CREG1: variants seen among roughly 807,000 people sequenced by gnomAD.
The protein encoded by CREG1 is cellular repressor of E1A stimulated genes 1.
In CREG1, 20 loss-of-function variants were observed where a neutral mutation model predicts 19.9. The ratio of observed to expected loss-of-function variants is 1.01; its 90% CI spans 0.71 to 1.46. The LOEUF is 1.46. Ranked by LOEUF, CREG1 falls within the 40% of genes most tolerant of loss-of-function variation. CREG1 has a pLI of 0.00. For synonymous variants in CREG1, 141 were observed against 143.3 expected (o/e 0.98, Z 0.12); for missense variants, 290 against 314.9 (o/e 0.92, Z 0.60).
chr1:167,549,212 G>C (rs920162237), intron 1 of CREG1, among the ~76,000 whole-genome samples: 1 of 152,132 alleles, frequency 6.6e-6, no homozygotes, highest in African/African-American at 2.4e-5. Flanking sequence ...GAGGAGCCTG[G>C]GGTTGGGAGT....
In CREG1 at chr1:167,553,640, G is replaced by A. The variant is rs1350175865; in HGVS notation, c.102C>T (p.Gly34=). The A allele has an allele frequency of 7.4e-7, 1 of 1,347,698 alleles. No individual in the cohort carries two copies. The highest frequency in any genetic ancestry group is 1.8e-5 in the South Asian group (1 of 54,092). The allele number at this position is 1,347,698 out of a possible 1,614,324, so 83.5% of individuals were successfully genotyped here. A position where few individuals can be genotyped will look rare whatever the true frequency, so the allele number is the denominator to read the frequency against. The part of the protein sequence containing the change: ...LLVSPARGRG[G]RDHGDWDEAS... Reference sequence around the variant, plus strand: ...CCTCGTCCCAGTCCCCGTGGTCCCGGCCGCCGCGACCCCGCGCGGGCGACA... The same window carrying A: ...CCTCGTCCCAGTCCCCGTGGTCCCGACCGCCGCGACCCCGCGCGGGCGACA... The change falls in exon 1 of 4, where the codon GGC becomes GGT. Residue 34 remains glycine (G), a synonymous_variant. Coordinates refer to ENST00000370509, the MANE Select transcript of CREG1 (RefSeq NM_003851.3).
At chr1:167,542,381 C>A in intron 3 of CREG1, 80 bp from the exon 4 acceptor site, 1 of 1,353,930 alleles carries the variant, frequency 7.4e-7, no homozygotes, top group South Asian at 1.3e-5. Context: ...TAGGGAAGGA[C>A]TAGATAAAAT....
chr1:167,546,208 G>C lies in CREG1; in HGVS notation c.552C>G (p.Ser184Arg), dbSNP rs747612208. 1 of 1,613,300 alleles carries C rather than the reference G, an allele frequency of 6.2e-7. No individual in the cohort carries two copies. The highest frequency in any genetic ancestry group is 8.5e-7 in the Non-Finnish European group (1 of 1,179,654). ...RHPEMKTWPS[S>R]HNWFFAKLNI... ...TCAACTTAGCAAAGAACCAATTATG[G>C]CTGGAAGGCCAGGTTTTCATCTCAG... Residue 184 changes from serine (S) to arginine (R), a missense_variant, in exon 3 of 4, where the codon AGC becomes AGG. Coordinates refer to ENST00000370509, the MANE Select transcript of CREG1 (RefSeq NM_003851.3).
chr1:167,544,063 C>T (rs1161233503), intron 3 of CREG1, among the ~76,000 whole-genome samples: 1 of 152,182 alleles, frequency 6.6e-6, no homozygotes, highest in African/African-American at 2.4e-5. Flanking sequence ...AACAGTCATC[C>T]TGATAATTTG....
At position 167,553,437 on chromosome 1, in the gene CREG1, A is replaced by G. The variant is rs1656458147; in HGVS notation, c.305T>C (p.Val102Ala). 1 of 1,476,416 alleles carries G rather than the reference A, an allele frequency of 6.8e-7. No individual in the cohort carries two copies. The allele number at this position is 1,476,416 out of a possible 1,614,324, so 91.5% of individuals were successfully genotyped here. A position where few individuals can be genotyped will look rare whatever the true frequency, so the allele number is the denominator to read the frequency against. Reference sequence around the variant, plus strand: ...CAGCGGGCTCAGGTAGAAATAGGGCACGCCGCTGCCCGCGCCCGGGGGCCC... The same window carrying G: ...CAGCGGGCTCAGGTAGAAATAGGGCGCGCCGCTGCCCGCGCCCGGGGGCCC... ...SDGPPGAGSG[V>A]PYFYLSPLQL... Residue 102 changes from valine to alanine, a missense_variant, in exon 1 of 4, where the codon GTG becomes GCG. Val to Ala is a moderately conservative substitution (Grantham distance 64, BLOSUM62 0). Coordinates refer to ENST00000370509, the MANE Select transcript of CREG1 (RefSeq NM_003851.3).
At chr1:167,543,538 GC>G in intron 3 of CREG1, among the ~76,000 whole-genome samples, 1 of 152,348 alleles carries the variant, frequency 6.6e-6, no homozygotes. Context: ...GCTCCAGAAC[GC>G]CTGTGAGGCC....
At chr1:167,549,806 T>G (rs1435097752) in intron 1 of CREG1, among the ~76,000 whole-genome samples, 4 of 152,120 alleles carry the variant, frequency 2.6e-5, no homozygotes, top group Admixed American at 1.3e-4. Context: ...CATCTCATCC[T>G]CCTGAGTAGC....
At chr1:167,547,456 G>T (rs1485578890) in intron 2 of CREG1, among the ~76,000 whole-genome samples, 2 of 152,132 alleles carry the variant, frequency 1.3e-5, no homozygotes, top group Non-Finnish European at 2.9e-5. Flanking sequence ...CTTCATAGTT[G>T]TTACATCTGC....
At position 167,553,559 on chromosome 1, in the gene CREG1, G is replaced by A. The variant is rs1443287383; in HGVS notation, c.183C>T (p.Phe61=). The part of the protein sequence containing the change: ...PREDAARVAR[F]VTHVSDWGAL... ...CGCCCCAGTCGGAGACGTGCGTCAC[G>A]AAGCGGGCCACGCGCGCCGCGTCCT... is the stretch of plus-strand genomic sequence containing the variant. Residue 61 remains phenylalanine, a synonymous_variant, in exon 1 of 4, where the codon TTC becomes TTT. Coordinates refer to ENST00000370509, the MANE Select transcript of CREG1 (RefSeq NM_003851.3). The A allele has an allele frequency of 4.1e-6, 6 of 1,465,724 alleles. No homozygotes were observed. Among genetic ancestry groups the A allele is most frequent in the East Asian group, 3.0e-5 (1 of 33,192 alleles). The allele number at this position is 1,465,724 out of a possible 1,614,324, so 90.8% of individuals were successfully genotyped here.
chr1:167,543,637 C>A (rs1440649201), intron 3 of CREG1, among the ~76,000 whole-genome samples: 1 of 152,170 alleles, frequency 6.6e-6, no homozygotes, highest in Admixed American at 6.5e-5. Flanking sequence ...GCTCTGGTGG[C>A]AAACCTGGCG....
Position 167,546,207 on chromosome 1 carries a change from G to A in CREG1, c.553C>T (p.His185Tyr), listed in dbSNP as rs1479857090. 6.2e-7 allele frequency: 1 copy of A among 1,613,202 alleles called. No individual in the cohort carries two copies. Among genetic ancestry groups the A allele is most frequent in the Non-Finnish European group, 8.5e-7 (1 of 1,179,618 alleles). Residue 185 changes from histidine (H) to tyrosine (Y), a missense_variant, in exon 3 of 4, where the codon CAT becomes TAT. Transcript: ENST00000370509. ...TTCAACTTAGCAAAGAACCAATTAT[G>A]GCTGGAAGGCCAGGTTTTCATCTCA... is the stretch of plus-strand genomic sequence containing the variant. ...HPEMKTWPSS[H>Y]NWFFAKLNIT...
rs1656377596 is a variant in CREG1, at chr1:167,548,987, G to T, written c.355-866C>A. 1.3e-5 allele frequency among the ~76,000 whole-genome samples: 2 copies of T among 152,194 alleles called. 1 individual carries two copies. The highest frequency in any genetic ancestry group is 4.1e-4 in the South Asian group (2 of 4,824). On this transcript the variant is annotated intron_variant, in intron 1 of 3. Transcript: ENST00000370509. Reference sequence around the variant, plus strand: ...GTGAGTTTATAATCTGGTTGAAAAGGCAGACATAAACAAATGTGTATGTCC... The same window carrying T: ...GTGAGTTTATAATCTGGTTGAAAAGTCAGACATAAACAAATGTGTATGTCC...
chr1:167,542,869 C>T (rs551169526), intron 3 of CREG1, among the ~76,000 whole-genome samples: 2 of 152,104 alleles, frequency 1.3e-5, no homozygotes, highest in African/African-American at 2.4e-5. Flanking sequence ...TCCGGATGTG[C>T]GCCAGAGGAG....
intron 1 of CREG1, among the ~76,000 whole-genome samples, chr1:167,548,916 A>G (rs1024220620): frequency 2.6e-4 from 39 of 152,238 alleles, no homozygotes; most frequent in African/African-American, 8.9e-4. Flanking sequence ...GCACCACAGG[A>G]GACCAAAGAA....
chr1:167,552,818 G>A (rs531700768), intron 1 of CREG1, among the ~76,000 whole-genome samples: 1 of 152,288 alleles, frequency 6.6e-6, no homozygotes, highest in African/African-American at 2.4e-5. Context: ...AGGCTGAGAT[G>A]GGTGGATCAC....
intron 1 of CREG1, among the ~76,000 whole-genome samples, chr1:167,549,835 T>A (rs1656394691): frequency 6.6e-6 from 1 of 152,002 alleles, no homozygotes; most frequent in Non-Finnish European, 1.5e-5. Context: ...TAGATGTGCA[T>A]CACCACACCC....
chr1:167,550,946 G>C (rs1375658909), intron 1 of CREG1, among the ~76,000 whole-genome samples: 1 of 152,132 alleles, frequency 6.6e-6, no homozygotes. Context: ...GACCAGAACA[G>C]AAAGGGGCAC....
At chr1:167,544,509 A>G (rs1477605374) in intron 3 of CREG1, among the ~76,000 whole-genome samples, 1 of 152,076 alleles carries the variant, frequency 6.6e-6, no homozygotes, top group Non-Finnish European at 1.5e-5. Flanking sequence ...ACAGCAGTCA[A>G]TCATTACAAG....
rs1364502846 is a variant in CREG1 at position 167,542,217 on chromosome 1, A to G, written c.*81T>C. The G allele has an allele frequency of 1.5e-6, 2 of 1,299,552 alleles. No homozygotes were observed. Among genetic ancestry groups the G allele is most frequent in the Non-Finnish European group, 2.1e-6 (2 of 954,420 alleles). 80.5% of individuals were successfully genotyped at this position (1,299,552 alleles called of 1,614,324 possible). On this transcript the variant is annotated 3_prime_UTR_variant, in exon 4 of 4. Transcript: ENST00000370509. ...TGGCTAATATTCTGGGACGCTTTCC[A>G]GAGAAACATTAAGCCTTTTAAGTGT...
Sources: allele counts gnomAD v4.1 joint callset (sites outside exome capture counted in the v4.1 genomes callset), GRCh38; gene constraint gnomAD v4.1.1; transcripts MANE v1.5; gene names NCBI Gene and HGNC (gene_info 2026-07-23, HGNC 2026-07-21).